PTPRM: variants seen among roughly 807,000 people sequenced by gnomAD.
PTPRM encodes the protein receptor-type tyrosine-protein phosphatase mu.
A neutral mutation model predicts 186.7 loss-of-function variants in PTPRM; 47 were observed. The observed-to-expected ratio is 0.25, with a 90% CI of 0.20 to 0.32. The LOEUF (loss-of-function observed/expected upper bound fraction) is 0.32. PTPRM is among the 10% of genes least tolerant of loss of function. The probability of loss-of-function intolerance (pLI) is 1.00; values close to 1 mark genes in which losing one functional copy is unlikely to be tolerated. For missense variants in PTPRM, 1,494 were observed against 1,865.0 expected, an observed-to-expected ratio of 0.80 and a Z score of 3.66; for synonymous variants, 668 against 674.9, an observed-to-expected ratio of 0.99 and a Z score of 0.16.
Position 7,714,111 on chromosome 18 carries a change from A to G in PTPRM, c.74-60038A>G, listed in dbSNP as rs183389630. 4.8e-4 allele frequency among the ~76,000 whole-genome samples: 73 copies of G among 152,318 alleles called. 1 individual carries two copies. Among genetic ancestry groups the G allele is most frequent in the Non-Finnish European group, 3.5e-4 (24 of 68,024 alleles). On this transcript the variant is annotated intron_variant, in intron 1 of 32. Coordinates refer to ENST00000580170, the MANE Select transcript of PTPRM (RefSeq NM_001105244.2). ...TTGCACTTACTCTAAAATTGATCAC[A>G]TAATTGGAAGTAAAACACTCCTCAG...
Position 8,392,352 on chromosome 18 carries a change from CG to C in PTPRM, c.4209-2122del, listed in dbSNP as rs1307131800. 4.6e-5 allele frequency among the ~76,000 whole-genome samples: 7 copies of C among 152,176 alleles called. No individual in the cohort carries two copies. The South Asian group carries it at 8.3e-4, about 18-fold the overall frequency. ...AATAAAAAGGTCCCATGGCCGGGCG[CG>C]GTGGCTCACACCTGTAATCCCAGCA... is the stretch of plus-strand genomic sequence containing the variant. On this transcript the variant is annotated intron_variant, in intron 31 of 32. Coordinates refer to ENST00000580170, the MANE Select transcript of PTPRM (RefSeq NM_001105244.2).
chr18:7,746,435 T>A (rs1040946970), intron 1 of PTPRM, among the ~76,000 whole-genome samples: 1 of 152,152 alleles, frequency 6.6e-6, no homozygotes, highest in Non-Finnish European at 1.5e-5. Context: ...TTTTCAGATA[T>A]GTAAATTTTT....
chr18:8,360,518 G>T (rs149295231), intron 23 of PTPRM, among the ~76,000 whole-genome samples: 1 of 152,338 alleles, frequency 6.6e-6, no homozygotes, highest in African/African-American at 2.4e-5. Flanking sequence ...TTTGAAAATT[G>T]TGGGGGTGCT....
intron 29 of PTPRM, 110 bp from the exon 30 acceptor site, chr18:8,384,451 C>T: frequency 7.9e-7 from 1 of 1,261,896 alleles, no homozygotes; most frequent in South Asian, 1.4e-5. Context: ...GAGCAAGACC[C>T]TATCTCTTAA....
chr18:8,100,975 A>G (rs770447919), intron 11 of PTPRM, among the ~76,000 whole-genome samples: 8 of 152,196 alleles, frequency 5.3e-5, no homozygotes, highest in Non-Finnish European at 1.0e-4. Context: ...CAATACTTCT[A>G]TAGAAGTTGT....
At chr18:7,892,927 T>TC (rs2049155497) in intron 3 of PTPRM, among the ~76,000 whole-genome samples, 1 of 152,212 alleles carries the variant, frequency 6.6e-6, no homozygotes, top group African/African-American at 2.4e-5. Context: ...CCCCATCGCC[T>TC]CCCCAAGGCC....
At chr18:8,106,106 G>A (rs904006372) in intron 11 of PTPRM, among the ~76,000 whole-genome samples, 1 of 152,096 alleles carries the variant, frequency 6.6e-6, no homozygotes, top group African/African-American at 2.4e-5. Flanking sequence ...TGGTTTTCAT[G>A]CTCTGCAGGA....
intron 2 of PTPRM, among the ~76,000 whole-genome samples, chr18:7,854,359 C>T (rs1304616169): frequency 6.6e-6 from 1 of 152,056 alleles, no homozygotes; most frequent in Non-Finnish European, 1.5e-5. Flanking sequence ...TAGTATATTA[C>T]CCCTTTACAC....
intron 1 of PTPRM, among the ~76,000 whole-genome samples, chr18:7,580,425 G>A (rs768135223): frequency 2.0e-5 from 3 of 152,172 alleles, no homozygotes; most frequent in South Asian, 2.1e-4. Flanking sequence ...TAGCATAAGC[G>A]AAGTTCACTC....
At chr18:8,173,949 C>G (rs1601004238) in intron 14 of PTPRM, among the ~76,000 whole-genome samples, 1 of 152,032 alleles carries the variant, frequency 6.6e-6, no homozygotes, top group Admixed American at 6.6e-5. Flanking sequence ...CGCCCATAAT[C>G]CCAGCTACTC....
At chr18:8,192,457 G>A (rs1278124791) in intron 14 of PTPRM, among the ~76,000 whole-genome samples, 1 of 152,122 alleles carries the variant, frequency 6.6e-6, no homozygotes, top group East Asian at 1.9e-4. Context: ...AGACTAATGA[G>A]ATTATGTCAA....
At chr18:8,236,616 G>A (rs138402744) in intron 14 of PTPRM, among the ~76,000 whole-genome samples, 64 of 151,856 alleles carry the variant, frequency 4.2e-4, no homozygotes, top group South Asian at 8.3e-4. Context: ...ATCTTGGTTC[G>A]CTGCAACCTC....
chr18:7,706,601 C>CAAAAAAAAAAA lies in PTPRM; in HGVS notation c.74-67529_74-67519dup, dbSNP rs766639399. ...TGGATGACAGAACAAGACCTTGTCT[C>CAAAAAAAAAAA]AAAAAAAAAAAAAAAAAAAAAAAAA... On this transcript the variant is annotated intron_variant, in intron 1 of 32. Transcript: ENST00000580170. Among the ~76,000 whole-genome samples the CAAAAAAAAAAA allele has an allele frequency of 2.9e-3, 47 of 16,138 alleles. 2 individuals carry two copies. The highest frequency in any genetic ancestry group is 5.3e-3 in the Non-Finnish European group (42 of 7,870). The allele number at this position is 16,138 out of a possible 152,430, so 10.6% of individuals were successfully genotyped here.
At chr18:8,287,646 A>G (rs1008004276) in intron 19 of PTPRM, among the ~76,000 whole-genome samples, 9 of 152,174 alleles carry the variant, frequency 5.9e-5, no homozygotes, top group African/African-American at 9.7e-5. Flanking sequence ...ACTGCTCTCT[A>G]AGGATCTGGG....
intron 2 of PTPRM, among the ~76,000 whole-genome samples, chr18:7,870,888 A>G (rs1165671590): frequency 2.0e-5 from 3 of 152,326 alleles, no homozygotes; most frequent in Admixed American, 6.5e-5. Context: ...GTTAACTCTC[A>G]TGGGGATAAA....
At chr18:8,396,305 A>G (rs1425840086) in intron 32 of PTPRM, among the ~76,000 whole-genome samples, 1 of 152,204 alleles carries the variant, frequency 6.6e-6, no homozygotes, top group Non-Finnish European at 1.5e-5. Flanking sequence ...TAACCTCACT[A>G]ATTCAGGGAC....
chr18:8,057,425 C>CTTTTTTTTTTTTTTTTTTTTTTT (rs763829289), intron 7 of PTPRM, among the ~76,000 whole-genome samples: 8 of 102,518 alleles, frequency 7.8e-5, no homozygotes, highest in South Asian at 3.3e-4. Context: ...TGTGATACTT[C>CTTTTTTTTTTTTTTTTTTTTTTT]TTTTTTTTTT....
rs931326128 is a variant in PTPRM, at chr18:7,668,207, G to A, written c.73+100316G>A. On this transcript the variant is annotated intron_variant, in intron 1 of 32. Coordinates refer to ENST00000580170, the MANE Select transcript of PTPRM (RefSeq NM_001105244.2). The surrounding 1 kb of genome is among the most constrained non-coding windows in gnomAD (Gnocchi z 4.7). The stretch of plus-strand genomic sequence containing the variant: ...TGTGCATGGTGAGGAGCTGCACCAC[G>A]GTGGTGCCCGCAGACGCTGCTTCGT... Among the ~76,000 whole-genome samples the A allele has an allele frequency of 6.6e-6, 1 of 152,122 alleles. No individual in the cohort carries two copies. The highest frequency in any genetic ancestry group is 2.4e-5 in the African/African-American group (1 of 41,426).
At chr18:7,984,088 T>TAGG (rs2082702355) in intron 7 of PTPRM, among the ~76,000 whole-genome samples, 1 of 152,096 alleles carries the variant, frequency 6.6e-6, no homozygotes, top group Non-Finnish European at 1.5e-5. Context: ...AGTCTCCAAA[T>TAGG]AAGGTCAAGA....
Sources: allele counts gnomAD v4.1 joint callset (sites outside exome capture counted in the v4.1 genomes callset), GRCh38; gene constraint gnomAD v4.1.1; non-coding constraint Gnocchi (gnomAD v3.1); transcripts MANE v1.5; gene names NCBI Gene and HGNC (gene_info 2026-07-23, HGNC 2026-07-21).